Variants in MYO18B observed in about 807,000 individuals in gnomAD.
The protein encoded by MYO18B is unconventional myosin-XVIIIb.
A neutral mutation model predicts 273.0 loss-of-function variants in MYO18B; 204 were observed. That is an observed-to-expected ratio of 0.75 (90% confidence interval 0.67 to 0.84). The LOEUF (loss-of-function observed/expected upper bound fraction) is 0.84. Ranked by LOEUF, MYO18B falls within the 40% of genes least tolerant of loss-of-function variation. The pLI, the probability that MYO18B is intolerant of heterozygous loss-of-function variation, is 0.00. For synonymous variants in MYO18B, 1,330 were observed against 1,305.7 expected, an observed-to-expected ratio of 1.02 and a Z score of -0.40; for missense variants, 3,212 against 3,287.6, an observed-to-expected ratio of 0.98 and a Z score of 0.56.
intron 34 of MYO18B, among the ~76,000 whole-genome samples, chr22:25,933,651 C>A (rs890152489): frequency 6.6e-6 from 1 of 152,132 alleles, no homozygotes; most frequent in African/African-American, 2.4e-5. Flanking sequence ...ACTGCAGTTA[C>A]TTTTGCACCA....
intron 12 of MYO18B, among the ~76,000 whole-genome samples, chr22:25,800,221 A>G (rs2088131416): frequency 6.6e-6 from 1 of 152,086 alleles, no homozygotes; most frequent in Admixed American, 6.6e-5. Flanking sequence ...AAAACACTAC[A>G]TATTTGGTAC....
At chr22:25,931,687 T>C (rs1327233285) in intron 34 of MYO18B, among the ~76,000 whole-genome samples, 10 of 144,502 alleles carry the variant, frequency 6.9e-5, no homozygotes, top group Non-Finnish European at 1.2e-4. Context: ...TTTTCTTTTT[T>C]TTTTTTTTTT....
the MYO18B span, among the ~76,000 whole-genome samples, chr22:26,040,308 C>A: frequency 6.6e-6 from 1 of 152,190 alleles, no homozygotes; most frequent in Non-Finnish European, 1.5e-5. Flanking sequence ...GGGGCTCTCT[C>A]TACACAGCTG....
At chr22:25,849,443 A>G (rs2090356412) in intron 20 of MYO18B, among the ~76,000 whole-genome samples, 2 of 152,124 alleles carry the variant, frequency 1.3e-5, no homozygotes, top group African/African-American at 2.4e-5. Flanking sequence ...AGATACGTCA[A>G]ATATTTATTA....
intron 15 of MYO18B, among the ~76,000 whole-genome samples, chr22:25,831,570 A>G (rs1351021232): frequency 6.6e-6 from 1 of 152,096 alleles, no homozygotes; most frequent in Non-Finnish European, 1.5e-5. Flanking sequence ...TTTAGTAGCG[A>G]TGGGGTTTCA....
At chr22:25,859,110 A>AT (rs1358134188) in intron 21 of MYO18B, among the ~76,000 whole-genome samples, 1 of 152,156 alleles carries the variant, frequency 6.6e-6, no homozygotes, top group Non-Finnish European at 1.5e-5. Flanking sequence ...ATCAATTATG[A>AT]TTTTGTTGTA....
At chr22:25,748,592 C>A (rs1284979121) in intron 1 of MYO18B, among the ~76,000 whole-genome samples, 1 of 152,202 alleles carries the variant, frequency 6.6e-6, no homozygotes, top group African/African-American at 2.4e-5. Context: ...GCCCCAGGTT[C>A]TGATGCTGAG....
chr22:25,963,295 AC>A (rs1249679944), intron 39 of MYO18B, among the ~76,000 whole-genome samples: 1 of 151,850 alleles, frequency 6.6e-6, no homozygotes, highest in East Asian at 1.9e-4. Flanking sequence ...ATATCTTAAA[AC>A]AACAGGAACT....
intron 12 of MYO18B, among the ~76,000 whole-genome samples, chr22:25,800,366 T>C (rs1461932758): frequency 2.0e-5 from 3 of 152,212 alleles, no homozygotes; most frequent in African/African-American, 7.2e-5. Flanking sequence ...CGCTTGGCTG[T>C]TTGGGCATCA....
rs188050402 is a variant in MYO18B at position 25,808,821 on chromosome 22, G to A, written c.2521+10724G>A. Among the ~76,000 whole-genome samples the A allele has an allele frequency of 8.5e-5, 13 of 152,252 alleles. No homozygotes were observed. The East Asian group carries it at 2.5e-3, about 29-fold the overall frequency. ...GCCTGCCTCCTAGGGTTCTTGTGAG[G>A]CTGACATTATTGAACTTGAGTATTT... On this transcript the variant is annotated intron_variant, in intron 12 of 43. Coordinates refer to ENST00000335473, the MANE Select transcript of MYO18B (RefSeq NM_032608.7).
chr22:25,986,075 T>C (rs1393533808), intron 39 of MYO18B, among the ~76,000 whole-genome samples: 2 of 152,200 alleles, frequency 1.3e-5, no homozygotes, highest in Non-Finnish European at 2.9e-5. Flanking sequence ...CCTGGCATCA[T>C]TGGATGAAAC....
At chr22:25,876,003 CGTGTGT>C (rs4049349) in intron 23 of MYO18B, among the ~76,000 whole-genome samples, 180 bp from the exon 24 acceptor site, 1,669 of 139,982 alleles carry the variant, frequency 0.012, 12 homozygotes, top group African/African-American at 0.021. Flanking sequence ...AAAGGAAGCC[CGTGTGT>C]GTGTGTGTGT....
intron 42 of MYO18B, among the ~76,000 whole-genome samples, chr22:26,009,123 C>G (rs761775614): frequency 2.6e-5 from 4 of 152,218 alleles, no homozygotes; most frequent in Non-Finnish European, 4.4e-5. Flanking sequence ...CCATCACTCT[C>G]AGGAGGCAAC....
At chr22:25,904,070 G>C (rs1478450422) in intron 31 of MYO18B, among the ~76,000 whole-genome samples, 1 of 152,094 alleles carries the variant, frequency 6.6e-6, no homozygotes, top group Non-Finnish European at 1.5e-5. Context: ...CTTGCAAATA[G>C]CTCCCACTAG....
chr22:25,930,977 G>A (rs1407418867), intron 34 of MYO18B, among the ~76,000 whole-genome samples: 2 of 152,120 alleles, frequency 1.3e-5, no homozygotes, highest in Admixed American at 1.3e-4. Flanking sequence ...ATTTATCACC[G>A]TGTGTCATCC....
intron 33 of MYO18B, among the ~76,000 whole-genome samples, chr22:25,916,173 G>C (rs963065662): frequency 1.3e-5 from 2 of 152,042 alleles, no homozygotes; most frequent in African/African-American, 4.8e-5. Flanking sequence ...AAATTCTACT[G>C]TATCAGATTA....
chr22:26,045,707 G>A, the MYO18B span, among the ~76,000 whole-genome samples: 27 of 152,214 alleles, frequency 1.8e-4, no homozygotes, highest in African/African-American at 5.8e-4. Flanking sequence ...AAGTAACTGC[G>A]GCTTTTGCAG....
intron 34 of MYO18B, among the ~76,000 whole-genome samples, chr22:25,942,304 G>C (rs1201805644): frequency 2.0e-5 from 3 of 152,186 alleles, no homozygotes; most frequent in Non-Finnish European, 4.4e-5. Flanking sequence ...ATCCCTGGCA[G>C]GTTCCAGGAA....
At chr22:25,789,082 C>G (rs2087530092) in intron 11 of MYO18B, among the ~76,000 whole-genome samples, 1 of 11,714 alleles carries the variant, frequency 8.5e-5, no homozygotes, top group Non-Finnish European at 8.8e-4. Flanking sequence ...CCTCCTTCTT[C>G]TTCCTCCTCC....
Sources: gnomAD v4.1 joint callset for allele counts (sites outside exome capture counted in the v4.1 genomes callset) on GRCh38, gnomAD v4.1.1 for gene constraint, MANE v1.5 for transcripts, NCBI Gene and HGNC (gene_info 2026-07-23, HGNC 2026-07-21) for gene names.